The following VPS13D variants were observed in gnomAD, a reference collection of about 807,000 sequenced individuals.
The protein encoded by VPS13D is intermembrane lipid transfer protein VPS13D.
In VPS13D, 187 loss-of-function variants were observed where a neutral mutation model predicts 461.9. That is an observed-to-expected ratio of 0.40 (90% CI 0.36 to 0.46). The LOEUF (loss-of-function observed/expected upper bound fraction) is 0.46, where lower values mean the gene tolerates loss of function less well. Ranked by LOEUF, VPS13D falls within the 20% of genes least tolerant of loss-of-function variation. VPS13D has a pLI of 0.60. For missense variants in VPS13D, 4,711 were observed against 5,364.9 expected, an observed-to-expected ratio of 0.88 and a Z score of 3.81; for synonymous variants, 1,951 against 1,986.3, an observed-to-expected ratio of 0.98 and a Z score of 0.47.
At chr1:12,386,444 G>A (rs1644352220) in intron 60 of VPS13D, 110 bp downstream of exon 60, 1 of 1,276,100 alleles carries the variant, frequency 7.8e-7, no homozygotes, top group East Asian at 2.6e-5. Context: ...GAAATATCTT[G>A]TGGCCTTCAA....
chr1:12,282,307 G>C (rs1641809604), intron 20 of VPS13D, among the ~76,000 whole-genome samples: 1 of 152,216 alleles, frequency 6.6e-6, no homozygotes, highest in African/African-American at 2.4e-5. Flanking sequence ...AACATTGGCT[G>C]TTACTCTAAC....
chr1:12,315,931 C>T (rs946253556), intron 30 of VPS13D, among the ~76,000 whole-genome samples: 1 of 152,074 alleles, frequency 6.6e-6, no homozygotes, highest in Non-Finnish European at 1.5e-5. Flanking sequence ...ATTCTCCTGT[C>T]TCAGCCTCCT....
At chr1:12,454,942 A>G (rs1645306905) in intron 65 of VPS13D, among the ~76,000 whole-genome samples, 1 of 152,234 alleles carries the variant, frequency 6.6e-6, no homozygotes, top group African/African-American at 2.4e-5. Flanking sequence ...AATGATGAGG[A>G]TAAGTACTCT....
At chr1:12,435,682 C>T (rs1377902485) in intron 65 of VPS13D, among the ~76,000 whole-genome samples, 1 of 151,470 alleles carries the variant, frequency 6.6e-6, no homozygotes, top group South Asian at 2.1e-4. Flanking sequence ...CAGAGCCCGT[C>T]CTCTTAATAC....
chr1:12,464,771 TG>T (rs1645459867), intron 67 of VPS13D, among the ~76,000 whole-genome samples: 1 of 152,188 alleles, frequency 6.6e-6, no homozygotes, highest in African/African-American at 2.4e-5. Flanking sequence ...ATGAGTGTTG[TG>T]GACCAATATC....
At chr1:12,244,457 G>C (rs770369686) in intron 4 of VPS13D, 21 bp downstream of exon 4, 2 of 1,614,010 alleles carry the variant, frequency 1.2e-6, no homozygotes. Flanking sequence ...GATCTTCTGG[G>C]CCATAAGAGC....
In VPS13D at chr1:12,349,174, G is replaced by A. The variant is rs1401828496; in HGVS notation, c.9231G>A (p.Val3077=). ...DSPSAPDKPV[V]LPAIMPGDSF... is the part of the protein sequence containing the mutation. ...TTATTTCTGTGGCAGAGCCAGTGGT[G>A]CTTCCTGCTATCATGCCAGGGGATT... The change falls in exon 46 of 70, where the codon GTG becomes GTA. Residue 3077 remains valine (V), a synonymous_variant. Coordinates refer to ENST00000620676, the MANE Select transcript of VPS13D (RefSeq NM_015378.4). 1 of 1,613,520 alleles carries A rather than the reference G, an allele frequency of 6.2e-7. No individual in the cohort carries two copies. The highest frequency in any genetic ancestry group is 1.7e-5 in the Admixed American group (1 of 60,010).
rs1168974571 is a variant in VPS13D at position 12,509,195 on chromosome 1, A to G, written c.*171A>G. 9.1e-6 allele frequency: 7 copies of G among 766,608 alleles called. No homozygotes were observed. Among genetic ancestry groups the G allele is most frequent in the Non-Finnish European group, 1.2e-5 (6 of 507,514 alleles). 47.5% of individuals were successfully genotyped at this position (766,608 alleles called of 1,614,324 possible). On this transcript the variant is annotated 3_prime_UTR_variant, in exon 70 of 70. Coordinates refer to ENST00000620676, the MANE Select transcript of VPS13D (RefSeq NM_015378.4). ...GAAAAGTACAAATGGAAATCGTATT[A>G]ATTTGTGAGGCAGGGAGTTATTTTA...
intron 60 of VPS13D, among the ~76,000 whole-genome samples, chr1:12,399,134 A>G (rs1019937711): frequency 6.6e-6 from 1 of 152,068 alleles, no homozygotes; most frequent in African/African-American, 2.4e-5. Flanking sequence ...TTATTTTTTT[A>G]ATTAAATTTT....
Position 12,500,792 on chromosome 1 carries a change from A to G in VPS13D, c.12794+3161A>G, listed in dbSNP as rs1217221835. On this transcript the variant is annotated intron_variant, in intron 68 of 69. Transcript: ENST00000620676. The stretch of plus-strand genomic sequence containing the variant: ...TGGTCCGAACTCCTGGCCTCAAGTC[A>G]TCCTCCCACCTCAGCCTCCCAAAGA... 2.0e-5 allele frequency among the ~76,000 whole-genome samples: 3 copies of G among 150,998 alleles called. No homozygotes were observed. In the East Asian group the frequency reaches 6.1e-4, roughly 31 times the overall value.
chr1:12,381,299 A>G (rs1464904621), intron 57 of VPS13D, among the ~76,000 whole-genome samples: 1 of 152,336 alleles, frequency 6.6e-6, no homozygotes, highest in African/African-American at 2.4e-5. Flanking sequence ...TGAAACCTGT[A>G]CTATAAACCC....
At chr1:12,472,390 GC>G (rs1225555057) in intron 67 of VPS13D, among the ~76,000 whole-genome samples, 1 of 152,152 alleles carries the variant, frequency 6.6e-6, no homozygotes, top group African/African-American at 2.4e-5. Flanking sequence ...TTCCCATGCA[GC>G]CTTTTAACCA....
intron 65 of VPS13D, among the ~76,000 whole-genome samples, chr1:12,432,165 G>A (rs189964579): frequency 1.6e-4 from 24 of 152,152 alleles, no homozygotes; most frequent in Non-Finnish European, 3.1e-4. Context: ...AGGCTGAGGC[G>A]GGCGGATAAC....
chr1:12,508,838 ATTCCTGGAT>A, intron 69 of VPS13D, 46 bp from the exon 70 acceptor site: 1 of 1,596,700 alleles, frequency 6.3e-7, no homozygotes, highest in Non-Finnish European at 8.5e-7. Flanking sequence ...GGTGGATCTG[ATTCCTGGAT>A]TTCCCCATCC....
rs1414179633 is a variant in VPS13D at position 12,283,386 on chromosome 1, C to A, written c.5284C>A (p.Pro1762Thr). Residue 1762 changes from proline (P) to threonine (T), a missense_variant, in exon 21 of 70, where the codon CCA becomes ACA. By Grantham distance (38) the Pro-to-Thr change is conservative. This residue lies in a region of VPS13D where 4,411 missense variants were observed against 4,937.8 expected (regional missense o/e 0.89). Coordinates refer to ENST00000620676, the MANE Select transcript of VPS13D (RefSeq NM_015378.4). The part of the protein sequence containing the change: ...EVQDKDYPLT[P>T]PPSPTVDEPK... The stretch of plus-strand genomic sequence containing the variant: ...CCAAGACAAGGACTATCCCTTGACC[C>A]CACCTCCTTCTCCAACAGTGGATGA... 3 of 1,614,044 alleles carry A rather than the reference C, an allele frequency of 1.9e-6. No individual in the cohort carries two copies. Among genetic ancestry groups the A allele is most frequent in the Non-Finnish European group, 2.5e-6 (3 of 1,180,046 alleles).
intron 37 of VPS13D, among the ~76,000 whole-genome samples, chr1:12,333,004 G>A (rs569544053): frequency 3.3e-5 from 5 of 152,264 alleles, no homozygotes; most frequent in South Asian, 2.1e-4. Context: ...GAAGACCATC[G>A]TGGGGGTACA....
chr1:12,288,757 TG>T (rs1238856849), intron 22 of VPS13D, among the ~76,000 whole-genome samples: 1 of 152,098 alleles, frequency 6.6e-6, no homozygotes, highest in African/African-American at 2.4e-5. Flanking sequence ...CCAGAGGATA[TG>T]ACTGCATCTA....
At chr1:12,368,092 T>A (rs531428578) in intron 52 of VPS13D, among the ~76,000 whole-genome samples, 2 of 152,288 alleles carry the variant, frequency 1.3e-5, no homozygotes, top group East Asian at 3.9e-4. Flanking sequence ...TTTTTAATTC[T>A]CTAATTTCCT....
chr1:12,501,576 GCA>G (rs1369342562), intron 68 of VPS13D, among the ~76,000 whole-genome samples: 2 of 152,166 alleles, frequency 1.3e-5, no homozygotes, highest in African/African-American at 2.4e-5. Flanking sequence ...CTGTGCACTG[GCA>G]AATTTCTTGC....
Sources: allele counts gnomAD v4.1 joint callset (sites outside exome capture counted in the v4.1 genomes callset), GRCh38; gene constraint gnomAD v4.1.1; regional missense constraint gnomAD v4.1.1; transcripts MANE v1.5; gene names NCBI Gene and HGNC (gene_info 2026-07-23, HGNC 2026-07-21).